Variants in KCNIP4 observed in about 807,000 individuals in gnomAD.
KCNIP4 encodes potassium voltage-gated channel interacting protein 4.
Under a neutral mutation model 34.0 loss-of-function variants are expected in KCNIP4, and 12 were observed. The ratio of observed to expected loss-of-function variants is 0.35; its 90% CI spans 0.23 to 0.57. KCNIP4 has a LOEUF of 0.57. Ranked by LOEUF, KCNIP4 falls within the 20% of genes least tolerant of loss-of-function variation. The pLI is 0.83. For missense variants in KCNIP4, 238 were observed against 311.7 expected (o/e 0.76, Z 1.78); for synonymous variants, 124 against 102.2 (o/e 1.21, Z -1.29).
chr4:21,234,435 ACG>A lies in KCNIP4; in HGVS notation c.62-351728_62-351727del, dbSNP rs1440450990. Among the ~76,000 whole-genome samples, 28 of 131,496 alleles carry A rather than the reference ACG, an allele frequency of 2.1e-4. 4 individuals carry two copies. Among genetic ancestry groups the A allele is most frequent in the African/African-American group, 2.4e-4 (8 of 33,320 alleles). 86.3% of individuals were successfully genotyped at this position (131,496 alleles called of 152,430 possible). A position where few individuals can be genotyped will look rare whatever the true frequency, so the allele number is the denominator to read the frequency against. On this transcript the variant is annotated intron_variant, in intron 1 of 8. Coordinates refer to ENST00000382152, the MANE Select transcript of KCNIP4 (RefSeq NM_025221.6). ...ACATATACTATATATATTACATATAACGTATATAATATATATTACATATAACG... is the reference window on the plus strand; with the variant it reads ...ACATATACTATATATATTACATATAATATATAATATATATTACATATAACG...
intron 1 of KCNIP4, among the ~76,000 whole-genome samples, chr4:21,105,723 G>A (rs983915695): frequency 2.6e-5 from 4 of 151,492 alleles, no homozygotes; most frequent in African/African-American, 9.8e-5. Context: ...TATGATATTG[G>A]CTGTGGGTTT....
chr4:21,644,583 C>A (rs1042051320), intron 1 of KCNIP4, among the ~76,000 whole-genome samples: 17 of 152,180 alleles, frequency 1.1e-4, no homozygotes, highest in Non-Finnish European at 2.9e-5. Context: ...CTACCCTGAT[C>A]CCCTTACTGT....
chr4:21,726,403 G>A (rs1715193885), intron 1 of KCNIP4, among the ~76,000 whole-genome samples: 1 of 152,184 alleles, frequency 6.6e-6, no homozygotes, highest in Admixed American at 6.5e-5. Context: ...ATGTGAAAGT[G>A]CCTAGGCATA....
intron 1 of KCNIP4, among the ~76,000 whole-genome samples, chr4:21,184,604 C>A (rs979368666): frequency 6.6e-6 from 1 of 152,100 alleles, no homozygotes; most frequent in African/African-American, 2.4e-5. Context: ...AGGTTTGGCA[C>A]TTTTGTGTGT....
At chr4:21,571,990 T>C (rs968753757) in intron 1 of KCNIP4, among the ~76,000 whole-genome samples, 6 of 152,158 alleles carry the variant, frequency 3.9e-5, no homozygotes, top group Non-Finnish European at 8.8e-5. Flanking sequence ...TCCAAAAGTA[T>C]AGGTATTTTA....
At position 20,850,536 on chromosome 4, in the gene KCNIP4, T is replaced by A. The variant is rs1720899977; in HGVS notation, c.288+7A>T. 6.2e-7 allele frequency: 1 copy of A among 1,611,662 alleles called. No homozygotes were observed. Among genetic ancestry groups the A allele is most frequent in the South Asian group, 1.1e-5 (1 of 90,970 alleles). On this transcript the variant is annotated splice_region_variant and intron_variant, in intron 3 of 8. Transcript: ENST00000382152. ...TGTGAAGGTAAAGTCAAAAAGAAAG[T>A]TCTTACATTCTTAAATCCTCTGTAA...
chr4:21,501,507 C>A (rs1292032701), intron 1 of KCNIP4, among the ~76,000 whole-genome samples: 1 of 152,020 alleles, frequency 6.6e-6, no homozygotes, highest in East Asian at 1.9e-4. Flanking sequence ...CAAGCTGATA[C>A]ATTACATTTT....
intron 1 of KCNIP4, among the ~76,000 whole-genome samples, chr4:21,051,495 T>C (rs1444330051): frequency 6.6e-6 from 1 of 152,188 alleles, no homozygotes; most frequent in African/African-American, 2.4e-5. Flanking sequence ...GGGATTCATA[T>C]TGTAAAAAGA....
chr4:21,721,802 G>A (rs1228874859), intron 1 of KCNIP4, among the ~76,000 whole-genome samples: 2 of 152,090 alleles, frequency 1.3e-5, no homozygotes, highest in Admixed American at 1.3e-4. Flanking sequence ...CCATTCACAT[G>A]GCTAACACAA....
intron 1 of KCNIP4, among the ~76,000 whole-genome samples, chr4:21,406,214 A>C (rs866356431): frequency 1.2e-4 from 19 of 152,198 alleles, no homozygotes; most frequent in African/African-American, 4.1e-4. Context: ...CTTGCAGCTA[A>C]GTAGATAATG....
At chr4:21,062,522 G>T (rs79139208) in intron 1 of KCNIP4, among the ~76,000 whole-genome samples, 14,851 of 137,382 alleles carry the variant, frequency 0.11, 886 homozygotes, top group African/African-American at 0.2. Flanking sequence ...ATATGTATGT[G>T]TGTGTGCATG....
At chr4:21,608,714 A>G (rs1743916563) in intron 1 of KCNIP4, 1 of 152,194 alleles carries the variant, frequency 6.6e-6, no homozygotes, top group Non-Finnish European at 1.5e-5. Context: ...TCATTGTAGA[A>G]CATTAGTCAG....
chr4:20,984,177 C>T, intron 1 of KCNIP4: 1 of 507,284 alleles, frequency 2.0e-6, no homozygotes, highest in Admixed American at 3.5e-5. Flanking sequence ...GCGCACGGAC[C>T]TCTCCACTCT....
chr4:21,482,471 A>G (rs993486532), intron 1 of KCNIP4, among the ~76,000 whole-genome samples: 4 of 152,082 alleles, frequency 2.6e-5, no homozygotes, highest in African/African-American at 7.2e-5. Context: ...TTCCATGTTT[A>G]GTGCTTCCTT....
intron 3 of KCNIP4, among the ~76,000 whole-genome samples, chr4:20,831,887 T>C (rs1442705654): frequency 1.3e-5 from 2 of 152,220 alleles, no homozygotes; most frequent in Admixed American, 6.5e-5. Flanking sequence ...CTATTATTAA[T>C]AGTTCCATGA....
intron 1 of KCNIP4, among the ~76,000 whole-genome samples, chr4:21,797,228 G>C (rs1720683542): frequency 6.6e-6 from 1 of 152,174 alleles, no homozygotes; most frequent in African/African-American, 2.4e-5. Context: ...GCTCAGTGCA[G>C]CTTCACGCGT....
Position 21,262,164 on chromosome 4 carries a change from C to G in KCNIP4, c.62-379455G>C, listed in dbSNP as rs138197593. Among the ~76,000 whole-genome samples, 50 of 152,090 alleles carry G rather than the reference C, an allele frequency of 3.3e-4. 1 individual carries two copies. In the East Asian group the frequency reaches 8.7e-3, roughly 26 times the overall value. On this transcript the variant is annotated intron_variant, in intron 1 of 8. Coordinates refer to ENST00000382152, the MANE Select transcript of KCNIP4 (RefSeq NM_025221.6). ...CCTTTTTATTTATTTTTTTTGAAAACCTTTTTCCCCTTTCTACACAAGAGT... is the reference window on the plus strand; with the variant it reads ...CCTTTTTATTTATTTTTTTTGAAAAGCTTTTTCCCCTTTCTACACAAGAGT...
At chr4:21,882,893 C>T (rs973196993) in intron 1 of KCNIP4, among the ~76,000 whole-genome samples, 2 of 151,998 alleles carry the variant, frequency 1.3e-5, no homozygotes, top group Admixed American at 6.6e-5. Flanking sequence ...TATAGTTTTG[C>T]TAATGTAGTA....
At chr4:21,590,344 C>T (rs1225931432) in intron 1 of KCNIP4, among the ~76,000 whole-genome samples, 3 of 151,910 alleles carry the variant, frequency 2.0e-5, no homozygotes, top group African/African-American at 7.2e-5. Context: ...GAAAGAACAG[C>T]TACATAATTT....
Sources: allele counts gnomAD v4.1 joint callset (sites outside exome capture counted in the v4.1 genomes callset), GRCh38; gene constraint gnomAD v4.1.1; transcripts MANE v1.5; gene names NCBI Gene and HGNC (gene_info 2026-07-23, HGNC 2026-07-21).